Variants in REDIC1 observed in about 807,000 individuals in gnomAD.
REDIC1 encodes regulator of DNA class I crossover intermediates 1.
At chr12:39,696,827 A>G in the REDIC1 span, among the ~76,000 whole-genome samples, 6 of 152,198 alleles carry the variant, frequency 3.9e-5, no homozygotes, top group Non-Finnish European at 8.8e-5. Context: ...CTGATCAAGC[A>G]GCACAAAGAA....
chr12:39,773,373 G>A, the REDIC1 span, among the ~76,000 whole-genome samples: 193 of 152,118 alleles, frequency 1.3e-3, 1 homozygote, highest in Non-Finnish European at 1.7e-3. Flanking sequence ...ATAAATAATC[G>A]GTTCCCTGTT....
chr12:39,709,656 A>C, the REDIC1 span, among the ~76,000 whole-genome samples: 1 of 151,626 alleles, frequency 6.6e-6, no homozygotes, highest in African/African-American at 2.4e-5. Context: ...TCCACTTTGT[A>C]GTATGTAACA....
chr12:39,639,119 A>T, the REDIC1 span, among the ~76,000 whole-genome samples: 2 of 151,970 alleles, frequency 1.3e-5, no homozygotes, highest in South Asian at 2.1e-4. Context: ...AAGCTTTGTG[A>T]GTTTTAAAAT....
the REDIC1 span, among the ~76,000 whole-genome samples, chr12:39,822,859 G>A: frequency 6.6e-6 from 1 of 152,326 alleles, no homozygotes; most frequent in East Asian, 1.9e-4. Flanking sequence ...CTGTTAACAA[G>A]TGTTTATTTA....
chr12:39,795,331 CTTAAT>C, the REDIC1 span, among the ~76,000 whole-genome samples: 1 of 152,134 alleles, frequency 6.6e-6, no homozygotes, highest in East Asian at 1.9e-4. Context: ...CAGTTTTAAA[CTTAAT>C]TTATCATATA....
the REDIC1 span, chr12:39,758,588 C>T: frequency 2.0e-5 from 3 of 151,820 alleles, no homozygotes; most frequent in Non-Finnish European, 3.0e-5. Flanking sequence ...AATAGAAAAG[C>T]AAAAATTAAG....
the REDIC1 span, among the ~76,000 whole-genome samples, chr12:39,724,621 A>G: frequency 9.2e-5 from 14 of 152,214 alleles, no homozygotes; most frequent in South Asian, 2.5e-3. Context: ...TGACAAGTAG[A>G]TGGATGAATT....
At chr12:39,764,608 C>A in the REDIC1 span, 1 of 1,588,018 alleles carries the variant, frequency 6.3e-7, no homozygotes, top group Non-Finnish European at 8.5e-7. Context: ...GCATTGGTCC[C>A]ATTCCTGAGA....
At chr12:39,770,116 C>CA in the REDIC1 span, among the ~76,000 whole-genome samples, 1 of 152,046 alleles carries the variant, frequency 6.6e-6, no homozygotes, top group Non-Finnish European at 1.5e-5. Flanking sequence ...TTCCTCTTCT[C>CA]AACCTCTAAA....
At chr12:39,685,048 G>A in the REDIC1 span, 1 of 603,834 alleles carries the variant, frequency 1.7e-6, no homozygotes, top group South Asian at 3.5e-5. Flanking sequence ...TTTATTGGAT[G>A]GACTCTTTTT....
the REDIC1 span, among the ~76,000 whole-genome samples, chr12:39,666,983 G>T: frequency 6.6e-6 from 1 of 152,128 alleles, no homozygotes. Flanking sequence ...CTTGCTAGCG[G>T]TCCATCAGTT....
At chr12:39,680,845 A>G in the REDIC1 span, among the ~76,000 whole-genome samples, 4 of 152,200 alleles carry the variant, frequency 2.6e-5, no homozygotes, top group Admixed American at 2.0e-4. Flanking sequence ...GAATGAAATT[A>G]TGGCATTCAC....
the REDIC1 span, among the ~76,000 whole-genome samples, chr12:39,860,731 T>G: frequency 6.6e-6 from 1 of 152,200 alleles, no homozygotes; most frequent in African/African-American, 2.4e-5. Context: ...AAATTTCCTA[T>G]TGATTTTTCT....
chr12:39,739,476 A>G, the REDIC1 span, among the ~76,000 whole-genome samples: 1 of 152,126 alleles, frequency 6.6e-6, no homozygotes, highest in African/African-American at 2.4e-5. Flanking sequence ...AGCCTTCAAA[A>G]CTCATGGTCT....
the REDIC1 span, among the ~76,000 whole-genome samples, chr12:39,666,987 A>G: frequency 6.6e-6 from 1 of 151,944 alleles, no homozygotes. Context: ...CTAGCGGTCC[A>G]TCAGTTTTGT....
At chr12:39,870,587 G>A in the REDIC1 span, among the ~76,000 whole-genome samples, 2 of 152,222 alleles carry the variant, frequency 1.3e-5, no homozygotes, top group Middle Eastern at 3.4e-3. Flanking sequence ...TCTTCAACAG[G>A]TTTATAAACA....
chr12:39,713,019 ATATACGTGTATATGTATATATACATG>A, the REDIC1 span, among the ~76,000 whole-genome samples: 1 of 143,934 alleles, frequency 6.9e-6, no homozygotes, highest in African/African-American at 2.6e-5. Context: ...ATACATGTGT[ATATACGTGTATATGTATATATACATG>A]TGTATATACG....
the REDIC1 span, among the ~76,000 whole-genome samples, chr12:39,679,969 A>G: frequency 6.6e-6 from 1 of 151,910 alleles, no homozygotes; most frequent in Non-Finnish European, 1.5e-5. Context: ...CTCATCTCTC[A>G]CCTTATATAA....
At chr12:39,811,643 A>C in the REDIC1 span, among the ~76,000 whole-genome samples, 9 of 152,250 alleles carry the variant, frequency 5.9e-5, no homozygotes, top group South Asian at 1.9e-3. Context: ...CTGATTTCTA[A>C]GAAGCTCTAT....
Sources: allele counts gnomAD v4.1 joint callset (sites outside exome capture counted in the v4.1 genomes callset), GRCh38; gene constraint gnomAD v4.1.1; transcripts MANE v1.5; gene names NCBI Gene and HGNC (gene_info 2026-07-23, HGNC 2026-07-21).